PRKCH: variants seen among roughly 807,000 people sequenced by gnomAD.
PRKCH encodes protein kinase C eta type.
In PRKCH, 28 loss-of-function variants were observed where a neutral mutation model predicts 82.5. That is an observed-to-expected ratio of 0.34 (90% confidence interval 0.25 to 0.47). The LOEUF (loss-of-function observed/expected upper bound fraction) is 0.47. Ranked by LOEUF, PRKCH falls within the 20% of genes least tolerant of loss-of-function variation. The probability of loss-of-function intolerance (pLI) is 1.00; values close to 1 mark genes in which losing one functional copy is unlikely to be tolerated. For missense variants in PRKCH, 705 were observed against 881.8 expected, an observed-to-expected ratio of 0.80 and a Z score of 2.54; for synonymous variants, 322 against 327.4, an observed-to-expected ratio of 0.98 and a Z score of 0.18.
chr14:61,251,418 T>C (rs1406435510), intron 1 of PRKCH, among the ~76,000 whole-genome samples: 1 of 152,202 alleles, frequency 6.6e-6, no homozygotes, highest in East Asian at 1.9e-4. Flanking sequence ...GTGGTTTTGA[T>C]CTTTAGCTCC....
At chr14:61,217,325 T>A (rs890115007) in intron 1 of PRKCH, among the ~76,000 whole-genome samples, 2 of 152,042 alleles carry the variant, frequency 1.3e-5, no homozygotes, top group Non-Finnish European at 2.9e-5. Flanking sequence ...CCCGGGAGGT[T>A]GAGGCTGCAG....
At chr14:61,330,661 G>T (rs1257402284) in intron 1 of PRKCH, among the ~76,000 whole-genome samples, 1 of 152,184 alleles carries the variant, frequency 6.6e-6, no homozygotes, top group Non-Finnish European at 1.5e-5. Flanking sequence ...TTTTAACATT[G>T]AAACTGAAGG....
intron 1 of PRKCH, among the ~76,000 whole-genome samples, chr14:61,227,273 G>A (rs959848311): frequency 1.3e-5 from 2 of 152,220 alleles, no homozygotes; most frequent in African/African-American, 4.8e-5. Flanking sequence ...CAACAGGAAT[G>A]ACAATAATAA....
intron 1 of PRKCH, among the ~76,000 whole-genome samples, chr14:61,249,572 A>G (rs1412309095): frequency 6.6e-6 from 1 of 150,996 alleles, no homozygotes; most frequent in Non-Finnish European, 1.5e-5. Flanking sequence ...AGACCATGAT[A>G]AACAGGTATA....
chr14:61,246,794 C>G (rs1242687039), intron 1 of PRKCH, among the ~76,000 whole-genome samples: 4 of 152,106 alleles, frequency 2.6e-5, no homozygotes, highest in Admixed American at 2.6e-4. Context: ...CCCTATGTTG[C>G]ACAGATTGGT....
At chr14:61,309,535 A>G (rs1341844365) in intron 1 of PRKCH, among the ~76,000 whole-genome samples, 2 of 152,328 alleles carry the variant, frequency 1.3e-5, no homozygotes, top group East Asian at 1.9e-4. Context: ...GTGCAATTAT[A>G]TGATTTGTCC....
chr14:61,340,856 A>G (rs1056053901), intron 1 of PRKCH, among the ~76,000 whole-genome samples: 1 of 152,124 alleles, frequency 6.6e-6, no homozygotes, highest in Non-Finnish European at 1.5e-5. Context: ...CCTGGCCACC[A>G]TTCTAGACTT....
chr14:61,539,088 AC>A (rs1285411260), intron 12 of PRKCH, among the ~76,000 whole-genome samples: 10 of 152,170 alleles, frequency 6.6e-5, no homozygotes, highest in African/African-American at 2.4e-4. Flanking sequence ...GCTGCTTGAG[AC>A]TGGTTTGTCA....
At chr14:61,335,095 A>G (rs1477671486) in intron 1 of PRKCH, among the ~76,000 whole-genome samples, 1 of 152,088 alleles carries the variant, frequency 6.6e-6, no homozygotes, top group Admixed American at 6.6e-5. Context: ...TAATTTCCTG[A>G]GGAAATGAAT....
At chr14:61,255,037 A>G (rs553756312) in intron 1 of PRKCH, among the ~76,000 whole-genome samples, 19 of 152,038 alleles carry the variant, frequency 1.2e-4, no homozygotes, top group African/African-American at 4.1e-4. Context: ...GCAGTCCCAC[A>G]CTCTCTCAAA....
At chr14:61,295,863 C>T (rs2045402174) in intron 1 of PRKCH, among the ~76,000 whole-genome samples, 1 of 152,074 alleles carries the variant, frequency 6.6e-6, no homozygotes. Context: ...ATATTTTCAC[C>T]CTTTTTTTTT....
chr14:61,204,797 G>A (rs919938654), intron 1 of PRKCH, among the ~76,000 whole-genome samples: 1 of 150,914 alleles, frequency 6.6e-6, no homozygotes, highest in African/African-American at 2.4e-5. Context: ...ATAAATAGAG[G>A]TATAGGGCAT....
At chr14:61,205,847 C>CCT (rs1566780006) in intron 1 of PRKCH, among the ~76,000 whole-genome samples, 2 of 152,174 alleles carry the variant, frequency 1.3e-5, no homozygotes, top group Non-Finnish European at 2.9e-5. Context: ...TAGGACTGAT[C>CCT]CTCTGATGCC....
At chr14:61,318,902 A>G (rs528266092), upstream of PRKCH, among the ~76,000 whole-genome samples, 13 of 152,280 alleles carry the variant, frequency 8.5e-5, no homozygotes, top group South Asian at 2.5e-3. Context: ...CATGTTGCCA[A>G]GGCTGGTCTT....
chr14:61,319,981 C>G (rs796256662), upstream of PRKCH, among the ~76,000 whole-genome samples: 22 of 152,314 alleles, frequency 1.4e-4, no homozygotes, highest in African/African-American at 5.3e-4. Context: ...TCGTTGAGAA[C>G]CTACTCAATT....
At chr14:61,511,804 A>G (rs1361023748) in intron 10 of PRKCH, among the ~76,000 whole-genome samples, 2 of 152,166 alleles carry the variant, frequency 1.3e-5, no homozygotes, top group African/African-American at 2.4e-5. Flanking sequence ...CTAGTCAGGA[A>G]TCTGTCACGC....
chr14:61,233,659 C>CTT (rs2044762885), intron 1 of PRKCH, among the ~76,000 whole-genome samples: 1 of 152,140 alleles, frequency 6.6e-6, no homozygotes, highest in Non-Finnish European at 1.5e-5. Flanking sequence ...TGGTTACCCT[C>CTT]ATGCTGTTCT....
chr14:61,443,515 T>C (rs2140277340), intron 3 of PRKCH, among the ~76,000 whole-genome samples: 1 of 152,312 alleles, frequency 6.6e-6, no homozygotes, highest in South Asian at 2.1e-4. Flanking sequence ...AATCCTAAAC[T>C]GGTCAACAAG....
intron 1 of PRKCH, chr14:61,302,974 T>C (rs1462523944): frequency 1.3e-5 from 2 of 152,170 alleles, no homozygotes; most frequent in African/African-American, 4.8e-5. Context: ...ATTAAAAATG[T>C]TCAACTGTGA....
Sources: allele counts gnomAD v4.1 joint callset (sites outside exome capture counted in the v4.1 genomes callset), GRCh38; gene constraint gnomAD v4.1.1; transcripts MANE v1.5; gene names NCBI Gene and HGNC (gene_info 2026-07-23, HGNC 2026-07-21).